The following EXOSC9 variants were observed in gnomAD, a reference collection of about 807,000 sequenced individuals.
EXOSC9 encodes exosome component 9.
In EXOSC9, 38 loss-of-function variants were observed where a neutral mutation model predicts 56.5. The ratio of observed to expected loss-of-function variants is 0.67; its 90% CI spans 0.52 to 0.88. The LOEUF (loss-of-function observed/expected upper bound fraction) is 0.88. EXOSC9 is among the 40% of genes least tolerant of loss of function. EXOSC9 has a pLI of 0.00. For missense variants in EXOSC9, 559 were observed against 530.5 expected, an observed-to-expected ratio of 1.05 and a Z score of -0.53; for synonymous variants, 170 against 170.8, an observed-to-expected ratio of 0.99 and a Z score of 0.04.
rs765009101 is a variant in EXOSC9 at position 121,811,666 on chromosome 4, A to G, written c.822A>G (p.Lys274=). The G allele has an allele frequency of 2.6e-6, 4 of 1,522,076 alleles. No homozygotes were observed. The highest frequency in any genetic ancestry group is 1.3e-5 in the South Asian group (1 of 77,286). The allele number at this position is 1,522,076 out of a possible 1,614,324, so 94.3% of individuals were successfully genotyped here. ...LILKALENDQ[K]VRKEGGKFGF... The stretch of plus-strand genomic sequence containing the variant: ...TGAAAGCTTTGGAGAATGACCAAAA[A>G]GTAAGGTAAGTAACTTTTCCAGAAC... The change falls in exon 8 of 12, where the codon AAA becomes AAG. Residue 274 remains lysine, a synonymous_variant. Coordinates refer to ENST00000243498, the MANE Select transcript of EXOSC9 (RefSeq NM_005033.3).
rs1393664000 is a variant in EXOSC9, at chr4:121,813,782, T to TA, written c.975-83dup. 5.5e-5 allele frequency: 57 copies of TA among 1,027,578 alleles called. No individual in the cohort carries two copies. The East Asian group carries it at 1.4e-3, about 25-fold the overall frequency. The allele number at this position is 1,027,578 out of a possible 1,614,324, so 63.7% of individuals were successfully genotyped here. A position where few individuals can be genotyped will look rare whatever the true frequency, so the allele number is the denominator to read the frequency against. On this transcript the variant is annotated intron_variant, in intron 9 of 11. Transcript: ENST00000243498. ...ACTTGGGGCACACTTGAATCAATCT[T>TA]ACAAGAAGAAAACTTTCATTCTCAT...
chr4:121,805,765 A>G (rs1380807884), intron 5 of EXOSC9, among the ~76,000 whole-genome samples: 1 of 151,780 alleles, frequency 6.6e-6, no homozygotes, highest in East Asian at 1.9e-4. Flanking sequence ...AGCATTCTAT[A>G]TTCAGAAAAA....
At chr4:121,811,780 C>T (rs1727220222) in intron 8 of EXOSC9, 109 bp downstream of exon 8, 1 of 496,018 alleles carries the variant, frequency 2.0e-6, no homozygotes, top group African/African-American at 2.0e-5. Context: ...ATTTCACATA[C>T]AAAGTTAGAA....
intron 6 of EXOSC9, chr4:121,809,763 T>C (rs1727153473): frequency 5.1e-6 from 3 of 584,442 alleles, no homozygotes; most frequent in Admixed American, 6.1e-5. Flanking sequence ...TTGTAATAAC[T>C]AGAGATACCC....
intron 2 of EXOSC9, 86 bp downstream of exon 2, chr4:121,802,007 A>G: frequency 1.0e-6 from 1 of 959,808 alleles, no homozygotes; most frequent in Non-Finnish European, 1.7e-6. Context: ...AAAGCAGCTA[A>G]GAAGTCTGGA....
At chr4:121,801,603 G>T in intron 1 of EXOSC9, 113 bp downstream of exon 1, 1 of 995,164 alleles carries the variant, frequency 1.0e-6, no homozygotes, top group South Asian at 1.3e-5. Context: ...CGACCGGCAC[G>T]TTCACCCCAT....
Position 121,807,594 on chromosome 4 carries a change from T to A in EXOSC9, c.577T>A (p.Cys193Ser). ...VPLSIHHMPICVSFAFFQQGT... is the reference protein window; with the variant it reads ...VPLSIHHMPISVSFAFFQQGT... ...ATTAAGTATCCACCACATGCCCATT[T>A]GTGTCAGTTTTGCCTTTTTCCAGCA... is the stretch of plus-strand genomic sequence containing the variant. Residue 193 changes from cysteine to serine, a missense_variant, in exon 6 of 12, where the codon TGT (cysteine) becomes AGT (serine). Cys to Ser is a moderately radical substitution (Grantham distance 112). Transcript: ENST00000243498. 2 of 1,613,642 alleles carry A rather than the reference T, an allele frequency of 1.2e-6. No individual in the cohort carries two copies.
chr4:121,809,014 A>G (rs1417104695), intron 6 of EXOSC9, among the ~76,000 whole-genome samples: 1 of 150,428 alleles, frequency 6.6e-6, no homozygotes, highest in Non-Finnish European at 1.5e-5. Flanking sequence ...TTTTTGTGAC[A>G]GGGTCTCACT....
At chr4:121,816,681 G>T in intron 11 of EXOSC9, 91 bp from the exon 12 acceptor site, 1 of 1,303,734 alleles carries the variant, frequency 7.7e-7, no homozygotes, top group East Asian at 2.6e-5. Flanking sequence ...ACACATTTTA[G>T]ATCCTACTGG....
intron 10 of EXOSC9, 79 bp downstream of exon 10, chr4:121,814,126 A>C (rs1236317707): frequency 1.2e-6 from 1 of 839,852 alleles, no homozygotes; most frequent in Non-Finnish European, 1.9e-6. Context: ...ATAATGCATA[A>C]AATGTGTGTA....
At chr4:121,804,499 C>T (rs1013504988) in intron 4 of EXOSC9, 123 bp from the exon 5 acceptor site, 2 of 574,932 alleles carry the variant, frequency 3.5e-6, no homozygotes, top group African/African-American at 3.7e-5. Flanking sequence ...TGACAAAGTA[C>T]AAGGAGTAAC....
In EXOSC9 at chr4:121,801,484, G is replaced by C; in HGVS notation, c.60G>C (p.Glu20Asp). 1.9e-6 allele frequency: 3 copies of C among 1,614,212 alleles called. No individual in the cohort carries two copies. Among genetic ancestry groups the C allele is most frequent in the Non-Finnish European group, 2.5e-6 (3 of 1,180,020 alleles). Residue 20 changes from glutamate to aspartate, a missense_variant, in exon 1 of 12, where the codon GAG (glutamate) becomes GAC (aspartate). Coordinates refer to ENST00000243498, the MANE Select transcript of EXOSC9 (RefSeq NM_005033.3). The stretch of plus-strand genomic sequence containing the variant: ...GCTTCCTACTCCGTGCCATCGAAGA[G>C]AAGAAGGTATGGTTTGGTGCCCGCA... ...ERRFLLRAIEEKKRLDGRQTY... is the reference protein window; with the variant it reads ...ERRFLLRAIEDKKRLDGRQTY...
chr4:121,815,616 A>G, intron 10 of EXOSC9: 1 of 985,444 alleles, frequency 1.0e-6, no homozygotes, highest in Non-Finnish European at 1.2e-6. Context: ...GTCAGCCCTG[A>G]CAGTAATACA....
At chr4:121,806,519 A>G (rs973839599) in intron 5 of EXOSC9, among the ~76,000 whole-genome samples, 2 of 152,212 alleles carry the variant, frequency 1.3e-5, no homozygotes, top group Non-Finnish European at 2.9e-5. Context: ...TTCCATGCCT[A>G]AGAATCTACG....
chr4:121,803,270 AG>A (rs1212722859), intron 4 of EXOSC9, among the ~76,000 whole-genome samples: 1 of 152,106 alleles, frequency 6.6e-6, no homozygotes, highest in Non-Finnish European at 1.5e-5. Flanking sequence ...TTATCTTAAA[AG>A]GGTGAAAATA....
intron 10 of EXOSC9, chr4:121,815,585 T>C (rs754818112): frequency 2.3e-4 from 228 of 985,294 alleles, no homozygotes; most frequent in Non-Finnish European, 2.7e-4. Flanking sequence ...AAGTATACAA[T>C]GGCCAGTAAT....
chr4:121,808,816 C>A (rs1197015398), intron 6 of EXOSC9, among the ~76,000 whole-genome samples: 2 of 150,342 alleles, frequency 1.3e-5, no homozygotes, highest in Non-Finnish European at 3.0e-5. Flanking sequence ...TAGCTGGGAC[C>A]ACAGGTGCAC....
rs1252932444 is a variant in EXOSC9, at chr4:121,801,590, G to A, written c.66+100G>A. The A allele has an allele frequency of 5.3e-6, 6 of 1,131,678 alleles. No homozygotes were observed. In the East Asian group the frequency reaches 7.1e-5, roughly 13 times the overall value. The allele number at this position is 1,131,678 out of a possible 1,614,324, so 70.1% of individuals were successfully genotyped here. ...GCCTGGGCCCGGGGAGCTACTAGGGGAACGACCGGCACGTTCACCCCATCC... is the reference window on the plus strand; with the variant it reads ...GCCTGGGCCCGGGGAGCTACTAGGGAAACGACCGGCACGTTCACCCCATCC... On this transcript the variant is annotated intron_variant, in intron 1 of 11. Transcript: ENST00000243498.
chr4:121,811,822 A>T, intron 8 of EXOSC9, 151 bp downstream of exon 8: 1 of 478,912 alleles, frequency 2.1e-6, no homozygotes, highest in Middle Eastern at 5.7e-4. Context: ...ACTCATTAAA[A>T]AGTGTAAATA....
Sources: gnomAD v4.1 joint callset for allele counts (sites outside exome capture counted in the v4.1 genomes callset) on GRCh38, gnomAD v4.1.1 for gene constraint, MANE v1.5 for transcripts, NCBI Gene and HGNC (gene_info 2026-07-23, HGNC 2026-07-21) for gene names.